Variants in MIS18A observed in about 807,000 individuals in gnomAD.
MIS18A encodes the protein protein Mis18-alpha.
Under a neutral mutation model 25.0 loss-of-function variants are expected in MIS18A, and 14 were observed. That is an observed-to-expected ratio of 0.56 (90% CI 0.37 to 0.88). The LOEUF (loss-of-function observed/expected upper bound fraction) is 0.88. Ranked by LOEUF, MIS18A falls within the 40% of genes least tolerant of loss-of-function variation. The pLI is 0.00. For missense variants in MIS18A, 292 were observed against 290.8 expected, an observed-to-expected ratio of 1.00 and a Z score of -0.03; for synonymous variants, 134 against 118.6, an observed-to-expected ratio of 1.13 and a Z score of -0.84.
the MIS18A span, among the ~76,000 whole-genome samples, chr21:32,194,720 G>C: frequency 6.6e-6 from 1 of 151,804 alleles, no homozygotes; most frequent in African/African-American, 2.4e-5. Context: ...CCATAAAAAA[G>C]AATGAAATCA....
At position 32,268,657 on chromosome 21, in the gene MIS18A, TC is replaced by T. The variant is rs1229001977; in HGVS notation, c.*379del. 1.3e-5 allele frequency: 2 copies of T among 156,280 alleles called. No individual in the cohort carries two copies. Among genetic ancestry groups the T allele is most frequent in the East Asian group, 3.6e-4 (2 of 5,500 alleles). The allele number at this position is 156,280 out of a possible 1,614,324, so 9.7% of individuals were successfully genotyped here. A position where few individuals can be genotyped will look rare whatever the true frequency, so the allele number is the denominator to read the frequency against. On this transcript the variant is annotated 3_prime_UTR_variant, in exon 5 of 5. Transcript: ENST00000290130. The stretch of plus-strand genomic sequence containing the variant: ...AGAGGAAAAAAAGTTCAGAAAATTA[TC>T]CCAGTTTCTTATCAAAATCAAAACT...
the MIS18A span, among the ~76,000 whole-genome samples, chr21:32,219,250 G>T: frequency 6.6e-6 from 1 of 152,170 alleles, no homozygotes; most frequent in Non-Finnish European, 1.5e-5. Flanking sequence ...GAAGGCAGAT[G>T]ATTTCTGCAT....
chr21:32,226,888 T>C, the MIS18A span, among the ~76,000 whole-genome samples: 1 of 152,122 alleles, frequency 6.6e-6, no homozygotes, highest in African/African-American at 2.4e-5. Context: ...ACAAAATATG[T>C]TCTCCAACCA....
the MIS18A span, among the ~76,000 whole-genome samples, chr21:32,227,074 C>T: frequency 4.6e-5 from 7 of 151,966 alleles, 1 homozygote; most frequent in South Asian, 1.5e-3. Context: ...TAAAGCAGTG[C>T]TTATAGGGAA....
chr21:32,165,057 G>A, the MIS18A span, among the ~76,000 whole-genome samples: 86 of 152,338 alleles, frequency 5.6e-4, no homozygotes, highest in African/African-American at 2.0e-3. Context: ...TACTTGGCCG[G>A]GCACGGTGGC....
At chr21:32,260,342 TCAAG>T in the MIS18A span, 1 of 152,194 alleles carries the variant, frequency 6.6e-6, no homozygotes, top group Non-Finnish European at 1.5e-5. Context: ...GAAGTGGCAC[TCAAG>T]CAAGATCTTG....
chr21:32,238,378 C>T, the MIS18A span, among the ~76,000 whole-genome samples: 1 of 152,292 alleles, frequency 6.6e-6, no homozygotes, highest in East Asian at 1.9e-4. Flanking sequence ...ATCCAGGATA[C>T]ACCATTTTTA....
At chr21:32,259,064 T>C in the MIS18A span, among the ~76,000 whole-genome samples, 1 of 152,074 alleles carries the variant, frequency 6.6e-6, no homozygotes, top group Non-Finnish European at 1.5e-5. Context: ...AGAGTCTTGC[T>C]GGTCTTGCTA....
At chr21:32,274,425 G>A (rs982119812) in intron 2 of MIS18A, among the ~76,000 whole-genome samples, 4 of 151,794 alleles carry the variant, frequency 2.6e-5, no homozygotes, top group South Asian at 4.2e-4. Context: ...GGCTGGTCTC[G>A]AATTCCTGAC....
chr21:32,276,099 T>G (rs2031803604), intron 1 of MIS18A, among the ~76,000 whole-genome samples: 2 of 152,126 alleles, frequency 1.3e-5, no homozygotes. Flanking sequence ...CTTTAACCAG[T>G]CTCAAGGCTT....
At chr21:32,223,696 A>G in the MIS18A span, among the ~76,000 whole-genome samples, 1 of 152,212 alleles carries the variant, frequency 6.6e-6, no homozygotes, top group Non-Finnish European at 1.5e-5. Context: ...ATTCTACCTG[A>G]GGTAAAAGAG....
At chr21:32,215,826 G>A in the MIS18A span, among the ~76,000 whole-genome samples, 82 of 152,294 alleles carry the variant, frequency 5.4e-4, no homozygotes, top group East Asian at 0.016. Flanking sequence ...CAAAAACTGA[G>A]AGGCACATTT....
At chr21:32,163,249 A>G in the MIS18A span, among the ~76,000 whole-genome samples, 1 of 152,190 alleles carries the variant, frequency 6.6e-6, no homozygotes, top group Non-Finnish European at 1.5e-5. Flanking sequence ...CCAAATTTCC[A>G]CTTCATTTTT....
At chr21:32,223,028 T>C in the MIS18A span, among the ~76,000 whole-genome samples, 14,923 of 151,532 alleles carry the variant, frequency 0.098, 815 homozygotes, top group East Asian at 0.16. Flanking sequence ...GAATGACTAC[T>C]GGGTAAATAA....
At chr21:32,256,268 G>A in the MIS18A span, among the ~76,000 whole-genome samples, 493 of 152,148 alleles carry the variant, frequency 3.2e-3, 4 homozygotes, top group African/African-American at 0.011. Flanking sequence ...CCACTGCCTC[G>A]AAGTCTTTTT....
At chr21:32,194,623 C>T in the MIS18A span, among the ~76,000 whole-genome samples, 2 of 151,684 alleles carry the variant, frequency 1.3e-5, no homozygotes, top group Non-Finnish European at 2.9e-5. Flanking sequence ...CGTGCCATTG[C>T]ACTCCAGCCT....
chr21:32,252,408 AAG>A, the MIS18A span, among the ~76,000 whole-genome samples: 5 of 151,466 alleles, frequency 3.3e-5, no homozygotes, highest in African/African-American at 4.8e-5. Flanking sequence ...AGAAGAAAAG[AAG>A]AAGAAGAAGG....
chr21:32,276,460 C>CAAAAAAAAAAAAA (rs558102501), intron 1 of MIS18A, among the ~76,000 whole-genome samples: 1 of 72,742 alleles, frequency 1.4e-5, no homozygotes, highest in African/African-American at 4.7e-5. Flanking sequence ...GACTCTGTCT[C>CAAAAAAAAAAAAA]AAAAAAAAAA....
the MIS18A span, among the ~76,000 whole-genome samples, chr21:32,185,249 C>T: frequency 6.6e-6 from 1 of 152,156 alleles, no homozygotes; most frequent in Non-Finnish European, 1.5e-5. Flanking sequence ...TGGTCCTCCT[C>T]CCCCTCACTC....
Sources: gnomAD v4.1 joint callset for allele counts (sites outside exome capture counted in the v4.1 genomes callset) on GRCh38, gnomAD v4.1.1 for gene constraint, MANE v1.5 for transcripts, NCBI Gene and HGNC (gene_info 2026-07-23, HGNC 2026-07-21) for gene names.